Variants in TUBGCP3 observed in about 807,000 individuals in gnomAD.
The protein encoded by TUBGCP3 is tubulin gamma complex component 3, also known as gamma-tubulin complex component 3.
Under a neutral mutation model 123.1 loss-of-function variants are expected in TUBGCP3, and 50 were observed. The observed-to-expected ratio is 0.41, with a 90% CI of 0.32 to 0.51. The LOEUF (loss-of-function observed/expected upper bound fraction) is 0.51. Ranked by LOEUF, TUBGCP3 falls within the 20% of genes least tolerant of loss-of-function variation. The probability of loss-of-function intolerance (pLI) is 0.36; values close to 1 mark genes in which losing one functional copy is unlikely to be tolerated. For synonymous variants in TUBGCP3, 405 were observed against 413.9 expected (o/e 0.98, Z 0.26); for missense variants, 882 against 1,127.0 (o/e 0.78, Z 3.11).
At chr13:112,493,334 T>A (rs1358243347) in intron 20 of TUBGCP3, among the ~76,000 whole-genome samples, 1 of 149,854 alleles carries the variant, frequency 6.7e-6, no homozygotes, top group Non-Finnish European at 1.5e-5. Flanking sequence ...TGGCCTGGTA[T>A]GCCTGAGACG....
chr13:112,554,156 G>C lies in TUBGCP3; in HGVS notation c.867C>G (p.Asp289Glu), dbSNP rs1879830108. The change falls in exon 8 of 22, where the codon GAC becomes GAG. Residue 289 changes from aspartate to glutamate, a missense_variant. Asp to Glu is a conservative substitution (Grantham distance 45). Coordinates refer to ENST00000261965, the MANE Select transcript of TUBGCP3 (RefSeq NM_006322.6). ...GKANLSRSLR[D>E]TAVRLSELGW... Reference sequence around the variant, plus strand: ...CCAACTCAGAAAGCCTGACTGCTGTGTCTCTCAAAGACCTACTTAGATTTG... The same window carrying C: ...CCAACTCAGAAAGCCTGACTGCTGTCTCTCTCAAAGACCTACTTAGATTTG... 1.2e-6 allele frequency: 2 copies of C among 1,614,036 alleles called. No individual in the cohort carries two copies. Among genetic ancestry groups the C allele is most frequent in the Admixed American group, 1.7e-5 (1 of 59,996 alleles).
rs1165752293 is a variant in TUBGCP3 at position 112,522,504 on chromosome 13, C to G, written c.1561G>C (p.Asp521His). ...GCATTTTCCAAGTCTGTGAATAGGT[C>G]TGCAGCTGTAAAGAACAACAGGGAA... Reference protein sequence around the residue: ...KSAESPQDAADLFTDLENAFQ... With the variant: ...KSAESPQDAAHLFTDLENAFQ... The change falls in exon 14 of 22, where the codon GAC (aspartate) becomes CAC (histidine). Residue 521 changes from aspartate to histidine, a missense_variant. By Grantham distance (81) the Asp-to-His change is moderately conservative. Around this residue, in one of 3 missense-constraint regions of TUBGCP3, gnomAD observed 713 missense variants for 874.0 expected, o/e 0.82. Transcript: ENST00000261965. 6.2e-7 allele frequency: 1 copy of G among 1,610,886 alleles called. No homozygotes were observed. Among genetic ancestry groups the G allele is most frequent in the Non-Finnish European group, 8.5e-7 (1 of 1,177,342 alleles).
intron 14 of TUBGCP3, among the ~76,000 whole-genome samples, chr13:112,521,367 T>G (rs781354271): frequency 9.2e-5 from 14 of 152,224 alleles, no homozygotes; most frequent in Non-Finnish European, 1.6e-4. Flanking sequence ...GGAGACTGGC[T>G]TCTGGCTAGA....
intron 6 of TUBGCP3, 132 bp downstream of exon 6, chr13:112,555,920 G>A (rs780993493): frequency 4.2e-5 from 45 of 1,060,888 alleles, no homozygotes; most frequent in Non-Finnish European, 5.6e-5. Flanking sequence ...AGGGACTCTG[G>A]ACTTCATCAT....
the TUBGCP3 span, among the ~76,000 whole-genome samples, chr13:112,594,109 C>T: frequency 6.6e-6 from 1 of 152,184 alleles, no homozygotes; most frequent in African/African-American, 2.4e-5. Context: ...GCTTAAGAAA[C>T]AAATGATATC....
chr13:112,547,498 C>T (rs754679076), intron 10 of TUBGCP3, 122 bp downstream of exon 10: 34 of 1,327,772 alleles, frequency 2.6e-5, no homozygotes, highest in Non-Finnish European at 3.1e-5. Flanking sequence ...AAAGCGAGTG[C>T]CAGACGCGCG....
At chr13:112,539,219 C>T (rs1878302753) in intron 11 of TUBGCP3, among the ~76,000 whole-genome samples, 1 of 152,172 alleles carries the variant, frequency 6.6e-6, no homozygotes, top group African/African-American at 2.4e-5. Context: ...CTATCATACA[C>T]ACATCTGGAA....
intron 8 of TUBGCP3, among the ~76,000 whole-genome samples, chr13:112,549,771 C>T (rs1244349639): frequency 2.0e-5 from 3 of 151,802 alleles, no homozygotes; most frequent in Admixed American, 6.6e-5. Flanking sequence ...GGGCGGATCA[C>T]GAGGCCAGGA....
At position 112,485,297 on chromosome 13, in the gene TUBGCP3, AT is replaced by A. The variant is rs1489827754; in HGVS notation, c.*695del. 6.6e-6 allele frequency: 1 copy of A among 152,592 alleles called. No individual in the cohort carries two copies. Among genetic ancestry groups the A allele is most frequent in the Non-Finnish European group, 1.5e-5 (1 of 68,034 alleles). 9.5% of individuals were successfully genotyped at this position (152,592 alleles called of 1,614,324 possible). Reference sequence around the variant, plus strand: ...CTGCTTTAGCTGATGCATTCGCGGTATTTGGGTTGCACTGTATAAGAGTATT... The same window carrying A: ...CTGCTTTAGCTGATGCATTCGCGGTATTGGGTTGCACTGTATAAGAGTATT... On this transcript the variant is annotated 3_prime_UTR_variant, in exon 22 of 22. Transcript: ENST00000261965.
chr13:112,570,359 C>A (rs1881303587), intron 1 of TUBGCP3, among the ~76,000 whole-genome samples: 1 of 152,130 alleles, frequency 6.6e-6, no homozygotes, highest in African/African-American at 2.4e-5. Context: ...AGAGATAGTG[C>A]AGATCTGGTT....
intron 16 of TUBGCP3, among the ~76,000 whole-genome samples, chr13:112,517,290 T>C (rs770826306): frequency 2.0e-5 from 3 of 152,050 alleles, no homozygotes; most frequent in African/African-American, 4.8e-5. Context: ...ATCTATGATA[T>C]AAACTTTTTT....
At chr13:112,501,093 C>A (rs1370468135) in intron 19 of TUBGCP3, among the ~76,000 whole-genome samples, 4 of 152,218 alleles carry the variant, frequency 2.6e-5, no homozygotes, top group Non-Finnish European at 4.4e-5. Context: ...ACAATGTGGA[C>A]TGATTTGGCA....
chr13:112,494,003 G>A (rs1213345212), intron 20 of TUBGCP3, among the ~76,000 whole-genome samples: 1 of 151,452 alleles, frequency 6.6e-6, no homozygotes, highest in East Asian at 2.0e-4. Flanking sequence ...CTAGCTTTGG[G>A]AACAGGGCCT....
upstream of TUBGCP3, among the ~76,000 whole-genome samples, chr13:112,588,610 C>T (rs1313508822): frequency 6.6e-6 from 1 of 152,204 alleles, no homozygotes; most frequent in East Asian, 1.9e-4. Context: ...GCCGGTCCCC[C>T]CCGGCCCGGG....
At chr13:112,542,414 C>T (rs1878596438) in intron 11 of TUBGCP3, among the ~76,000 whole-genome samples, 1 of 152,136 alleles carries the variant, frequency 6.6e-6, no homozygotes, top group Non-Finnish European at 1.5e-5. Flanking sequence ...TCAAAGGAAA[C>T]GCCCATTACC....
upstream of TUBGCP3, among the ~76,000 whole-genome samples, chr13:112,591,025 CTG>C (rs1317370931): frequency 6.6e-6 from 1 of 152,188 alleles, no homozygotes; most frequent in African/African-American, 2.4e-5. Context: ...TAAGTAAAAA[CTG>C]TTATTTAGTA....
intron 8 of TUBGCP3, 62 bp from the exon 9 acceptor site, chr13:112,548,238 G>A (rs1879230156): frequency 7.3e-7 from 1 of 1,366,092 alleles, no homozygotes; most frequent in Admixed American, 1.9e-5. Flanking sequence ...CTGATTTTAA[G>A]TGGAAAGGTA....
chr13:112,557,978 C>T (rs1880181665), intron 5 of TUBGCP3, among the ~76,000 whole-genome samples: 3 of 152,210 alleles, frequency 2.0e-5, no homozygotes, highest in Admixed American at 1.3e-4. Flanking sequence ...CTGGCCAGAG[C>T]TTGTGGATTA....
At chr13:112,543,962 C>T (rs991648003) in intron 11 of TUBGCP3, among the ~76,000 whole-genome samples, 1 of 152,282 alleles carries the variant, frequency 6.6e-6, no homozygotes, top group Non-Finnish European at 1.5e-5. Context: ...GTCAGTCTCA[C>T]TAGTAATCAG....
Sources: allele counts gnomAD v4.1 joint callset (sites outside exome capture counted in the v4.1 genomes callset), GRCh38; gene constraint gnomAD v4.1.1; regional missense constraint gnomAD v4.1.1; transcripts MANE v1.5; gene names NCBI Gene and HGNC (gene_info 2026-07-23, HGNC 2026-07-21).